Variants in GYS2 observed in about 807,000 individuals in gnomAD.
The protein encoded by GYS2 is glycogen [starch] synthase, liver.
In GYS2, 80 loss-of-function variants were observed where a neutral mutation model predicts 85.6. The observed-to-expected ratio is 0.93, with a 90% confidence interval of 0.78 to 1.13. The LOEUF (loss-of-function observed/expected upper bound fraction) is 1.13. Among genes scored for constraint, GYS2 ranks in the 50% most tolerant of loss-of-function variants. The pLI is 0.00. For missense variants in GYS2, 881 were observed against 854.9 expected (o/e 1.03, Z -0.38); for synonymous variants, 328 against 300.7 (o/e 1.09, Z -0.94).
chr12:21,565,966 TG>T lies in GYS2; in HGVS notation c.824-2622del, dbSNP rs560940578. ...ATTAATGACTATATTAAAGGGAAAA[TG>T]ACAAATTTTTTTAAAGCAACATAAG... On this transcript the variant is annotated intron_variant, in intron 5 of 15. Transcript: ENST00000261195. 2.0e-4 allele frequency among the ~76,000 whole-genome samples: 30 copies of T among 152,226 alleles called. No individual in the cohort carries two copies. The East Asian group carries it at 5.6e-3, about 28-fold the overall frequency.
intron 12 of GYS2, among the ~76,000 whole-genome samples, chr12:21,544,512 G>A (rs1217225063): frequency 6.6e-6 from 1 of 152,126 alleles, no homozygotes. Flanking sequence ...GCATTTGGTT[G>A]TATACTCTTC....
In GYS2 at chr12:21,601,487, C is replaced by T. The variant is rs533995739; in HGVS notation, c.121+2985G>A. On this transcript the variant is annotated intron_variant, in intron 1 of 15. Transcript: ENST00000261195. ...CCTCTCTGAGCCCCGCTCAGATCTT[C>T]GAACAGAGAACACTTCTGCATCTTG... 1.2e-4 allele frequency among the ~76,000 whole-genome samples: 19 copies of T among 152,274 alleles called. No individual in the cohort carries two copies. In the East Asian group the frequency reaches 2.1e-3, roughly 17 times the overall value.
Position 21,604,561 on chromosome 12 carries a change from G to A in GYS2, c.32C>T (p.Ser11Phe), listed in dbSNP as rs1401317610. 6.2e-7 allele frequency: 1 copy of A among 1,612,478 alleles called. No homozygotes were observed. Among genetic ancestry groups the A allele is most frequent in the Admixed American group, 1.7e-5 (1 of 59,906 alleles). The change falls in exon 1 of 16, where the codon TCC (serine) becomes TTC (phenylalanine). Residue 11 changes from serine to phenylalanine, a missense_variant. Coordinates refer to ENST00000261195, the MANE Select transcript of GYS2 (RefSeq NM_021957.4). MLRGRSLSVT[S>F]LGGLPQWEVE... ...TTCCCACTGGGGAAGCCCACCCAGG[G>A]ATGTTACAGAGAGGGATCGGCCTCG...
In GYS2 at chr12:21,562,303, G is replaced by A. The variant is rs1030183157; in HGVS notation, c.1062+615C>T. On this transcript the variant is annotated intron_variant, in intron 7 of 15. Coordinates refer to ENST00000261195, the MANE Select transcript of GYS2 (RefSeq NM_021957.4). Reference sequence around the variant, plus strand: ...GTGTGGCTGGGGAGGTGAGTGAACCGAGTGTGTATGTGTCTGCCCTGTTCT... The same window carrying A: ...GTGTGGCTGGGGAGGTGAGTGAACCAAGTGTGTATGTGTCTGCCCTGTTCT... Among the ~76,000 whole-genome samples the A allele has an allele frequency of 7.2e-5, 11 of 152,192 alleles. 1 individual carries two copies. The highest frequency in any genetic ancestry group is 2.6e-4 in the African/African-American group (11 of 41,520).
chr12:21,540,729 C>T (rs2136838730), intron 13 of GYS2, among the ~76,000 whole-genome samples, 156 bp from the exon 14 acceptor site: 1 of 152,226 alleles, frequency 6.6e-6, no homozygotes, highest in Admixed American at 6.5e-5. Flanking sequence ...TTCTGAGGCC[C>T]TAATTCCCTT....
downstream of GYS2, among the ~76,000 whole-genome samples, chr12:21,536,006 T>G (rs1943906708): frequency 6.6e-6 from 1 of 152,224 alleles, no homozygotes; most frequent in African/African-American, 2.4e-5. Context: ...TTTTTCTATT[T>G]TTTAAAAAGA....
intron 13 of GYS2, 121 bp from the exon 14 acceptor site, chr12:21,540,694 C>T: frequency 1.2e-6 from 1 of 804,484 alleles, no homozygotes; most frequent in Non-Finnish European, 2.1e-6. Flanking sequence ...CCCCCTGACT[C>T]AGGAATTACC....
intron 11 of GYS2, among the ~76,000 whole-genome samples, chr12:21,550,244 A>G (rs1284981235): frequency 6.6e-6 from 1 of 152,040 alleles, no homozygotes; most frequent in African/African-American, 2.4e-5. Flanking sequence ...AGCAATCAAG[A>G]CGTGGCTACT....
chr12:21,600,224 T>G (rs153936), intron 1 of GYS2, among the ~76,000 whole-genome samples: 147,739 of 152,216 alleles, frequency 0.97, 71,873 homozygotes, highest in East Asian at 1. Flanking sequence ...CTGGATTCAA[T>G]TGATCCTCCT....
At chr12:21,550,050 G>C (rs1167155010) in intron 11 of GYS2, among the ~76,000 whole-genome samples, 1 of 151,858 alleles carries the variant, frequency 6.6e-6, no homozygotes, top group Non-Finnish European at 1.5e-5. Context: ...TCCATGATTT[G>C]GCCAGTGGGA....
At chr12:21,579,749 G>T (rs980807704) in intron 2 of GYS2, among the ~76,000 whole-genome samples, 1 of 151,766 alleles carries the variant, frequency 6.6e-6, no homozygotes, top group African/African-American at 2.4e-5. Context: ...TGCTTTCATT[G>T]GCACATCTCC....
intron 1 of GYS2, among the ~76,000 whole-genome samples, chr12:21,585,871 G>C (rs778094135): frequency 6.6e-6 from 1 of 152,182 alleles, no homozygotes; most frequent in African/African-American, 2.4e-5. Flanking sequence ...ATTTGCAATG[G>C]GGATTGGTGC....
intron 15 of GYS2, chr12:21,537,395 G>T (rs1943922596): frequency 1.8e-6 from 1 of 569,986 alleles, no homozygotes; most frequent in Non-Finnish European, 3.1e-6. Context: ...TGTGCTAAGT[G>T]TTATATACAT....
intron 1 of GYS2, among the ~76,000 whole-genome samples, chr12:21,591,461 A>G (rs1011841263): frequency 1.3e-5 from 2 of 152,128 alleles, no homozygotes; most frequent in Non-Finnish European, 2.9e-5. Flanking sequence ...AAGGAAAAAA[A>G]AAGAATGAAC....
At chr12:21,550,845 G>A (rs1427893060) in intron 11 of GYS2, among the ~76,000 whole-genome samples, 1 of 152,132 alleles carries the variant, frequency 6.6e-6, no homozygotes, top group Non-Finnish European at 1.5e-5. Flanking sequence ...GGAGGTTGGA[G>A]CAGGAGAATC....
chr12:21,539,476 T>C (rs1943947840), intron 14 of GYS2, 138 bp from the exon 15 acceptor site: 1 of 697,808 alleles, frequency 1.4e-6, no homozygotes, highest in Non-Finnish European at 2.6e-6. Context: ...CAGTCTAAGT[T>C]TGAGACTCAG....
intron 1 of GYS2, among the ~76,000 whole-genome samples, chr12:21,598,831 G>A (rs1342962473): frequency 1.3e-5 from 2 of 152,164 alleles, no homozygotes; most frequent in Admixed American, 1.3e-4. Flanking sequence ...CAAGTACTTT[G>A]TATTTTATTG....
In GYS2 at chr12:21,580,502, A is replaced by G. The variant is rs756901644; in HGVS notation, c.143T>C (p.Ile48Thr). 10 of 1,613,420 alleles carry G rather than the reference A, an allele frequency of 6.2e-6. No homozygotes were observed. Among genetic ancestry groups the G allele is most frequent in the Admixed American group, 1.7e-5 (1 of 59,980 alleles). The change falls in exon 2 of 16, where the codon ATT becomes ACT. Residue 48 changes from isoleucine to threonine, a missense_variant. Ile to Thr is a moderately conservative substitution (Grantham distance 89). Transcript: ENST00000261195. ...TNKVGGIYTV[I>T]QTKAKTTADE... ...TGCTGTTGTTTTGGCCTTTGTCTGA[A>G]TCACAGTATAGATGCCTCCAACTGT...
Position 21,541,268 on chromosome 12 carries a change from C to CAAAAAA in GYS2, c.1646-701_1646-696dup, listed in dbSNP as rs3832848. 3.2e-3 allele frequency among the ~76,000 whole-genome samples: 148 copies of CAAAAAA among 46,312 alleles called. 25 individuals carry two copies. Among genetic ancestry groups the CAAAAAA allele is most frequent in the East Asian group, 7.4e-3 (8 of 1,076 alleles). The allele number at this position is 46,312 out of a possible 152,430, so 30.4% of individuals were successfully genotyped here. On this transcript the variant is annotated intron_variant, in intron 13 of 15. Transcript: ENST00000261195. Reference sequence around the variant, plus strand: ...GGGCAACAGAGTGAGACCATGTTTCCAAAAAAAAAAAAAAAAAAAAAAACA... The same window carrying CAAAAAA: ...GGGCAACAGAGTGAGACCATGTTTCCAAAAAAAAAAAAAAAAAAAAAAAAAAAAACA...
Sources: gnomAD v4.1 joint callset for allele counts (sites outside exome capture counted in the v4.1 genomes callset) on GRCh38, gnomAD v4.1.1 for gene constraint, MANE v1.5 for transcripts, NCBI Gene and HGNC (gene_info 2026-07-23, HGNC 2026-07-21) for gene names.